RTN4IP1: variants seen among roughly 807,000 people sequenced by gnomAD.
The protein encoded by RTN4IP1 is reticulon 4 interacting protein 1.
RTN4IP1 carries 32 observed loss-of-function variants against 46.6 expected under a neutral mutation model. The observed-to-expected ratio is 0.69, with a 90% CI of 0.52 to 0.92. The LOEUF (loss-of-function observed/expected upper bound fraction) is 0.92, where lower values mean the gene tolerates loss of function less well. Ranked by LOEUF, RTN4IP1 falls within the 40% of genes least tolerant of loss-of-function variation. RTN4IP1 has a pLI of 0.00. For missense variants in RTN4IP1, 424 were observed against 485.8 expected (o/e 0.87, Z 1.20); for synonymous variants, 167 against 161.8 (o/e 1.03, Z -0.24).
At chr6:106,573,607 T>G (rs950315181) in intron 8 of RTN4IP1, among the ~76,000 whole-genome samples, 1 of 152,234 alleles carries the variant, frequency 6.6e-6, no homozygotes, top group Non-Finnish European at 1.5e-5. Flanking sequence ...AACCATTTTC[T>G]GGGGTAAATA....
intron 4 of RTN4IP1, among the ~76,000 whole-genome samples, chr6:106,609,325 C>T (rs924523635): frequency 6.6e-6 from 1 of 152,114 alleles, no homozygotes; most frequent in African/African-American, 2.4e-5. Flanking sequence ...GAGGCTGAGG[C>T]GGGAGGATTG....
chr6:106,610,220 C>T lies in RTN4IP1; in HGVS notation c.621-7298G>A, dbSNP rs77094684. 9.2e-5 allele frequency among the ~76,000 whole-genome samples: 14 copies of T among 152,170 alleles called. No homozygotes were observed. The South Asian group carries it at 2.7e-3, about 29-fold the overall frequency. On this transcript the variant is annotated intron_variant, in intron 4 of 8. Transcript: ENST00000369063. ...GGGACTACAGGCGCCCACCACCACACCTGGCTAATTTTTTTGTATATTTAG... is the reference window on the plus strand; with the variant it reads ...GGGACTACAGGCGCCCACCACCACATCTGGCTAATTTTTTTGTATATTTAG...
chr6:106,592,854 C>T (rs955459326), intron 5 of RTN4IP1, among the ~76,000 whole-genome samples: 1 of 151,642 alleles, frequency 6.6e-6, no homozygotes, highest in Admixed American at 6.6e-5. Flanking sequence ...GCTTGAACCC[C>T]GGAGGCAGAG....
chr6:106,589,272 A>G (rs529009329), intron 6 of RTN4IP1, among the ~76,000 whole-genome samples: 1 of 18,876 alleles, frequency 5.3e-5, no homozygotes, highest in African/African-American at 1.0e-4. Context: ...GAAGGAGAAG[A>G]AGAAGGAGAA....
chr6:106,614,600 C>T (rs188666499), intron 4 of RTN4IP1, among the ~76,000 whole-genome samples: 169 of 152,140 alleles, frequency 1.1e-3, no homozygotes, highest in Middle Eastern at 3.4e-3. Flanking sequence ...CTAAAAATGA[C>T]AAGAAATGGT....
At chr6:106,580,722 G>GAAAAAAAAA (rs559035213) in intron 8 of RTN4IP1, among the ~76,000 whole-genome samples, 1 of 89,674 alleles carries the variant, frequency 1.1e-5, no homozygotes, top group Non-Finnish European at 2.4e-5. Context: ...CTGTCTCAAA[G>GAAAAAAAAA]AAAAAAAAAA....
At chr6:106,619,505 CCTT>C (rs1776430654) in intron 3 of RTN4IP1, among the ~76,000 whole-genome samples, 179 bp from the exon 4 acceptor site, 1 of 152,020 alleles carries the variant, frequency 6.6e-6, no homozygotes, top group South Asian at 2.1e-4. Flanking sequence ...CAAAACCAAC[CCTT>C]CTTCTTCCTA....
intron 8 of RTN4IP1, among the ~76,000 whole-genome samples, chr6:106,581,864 G>A (rs1022204503): frequency 6.6e-6 from 1 of 152,182 alleles, no homozygotes; most frequent in African/African-American, 2.4e-5. Flanking sequence ...CAGATAGCAG[G>A]ACAAGCACAA....
chr6:106,608,843 T>G (rs1418657323), intron 4 of RTN4IP1, among the ~76,000 whole-genome samples: 3 of 152,210 alleles, frequency 2.0e-5, no homozygotes, highest in Admixed American at 6.5e-5. Flanking sequence ...CATGAAATAT[T>G]TCACCCTCTT....
intron 5 of RTN4IP1, among the ~76,000 whole-genome samples, chr6:106,600,433 A>G (rs932724967): frequency 2.0e-5 from 3 of 152,078 alleles, no homozygotes; most frequent in Admixed American, 2.0e-4. Flanking sequence ...ATATATCACC[A>G]TTTTCACAAT....
intron 3 of RTN4IP1, 39 bp from the exon 4 acceptor site, chr6:106,619,365 T>G: frequency 6.2e-7 from 1 of 1,612,328 alleles, no homozygotes; most frequent in Non-Finnish European, 8.5e-7. Flanking sequence ...AGCAATGACT[T>G]GCAAACCTAT....
intron 7 of RTN4IP1, among the ~76,000 whole-genome samples, chr6:106,587,228 G>A (rs1775508946): frequency 6.6e-6 from 1 of 152,212 alleles, no homozygotes; most frequent in Non-Finnish European, 1.5e-5. Context: ...ATATACAAGA[G>A]ACTTTAAGTG....
chr6:106,620,088 T>C (rs1776450765), intron 3 of RTN4IP1, among the ~76,000 whole-genome samples: 1 of 151,982 alleles, frequency 6.6e-6, no homozygotes, highest in African/African-American at 2.4e-5. Context: ...ATATAAAATA[T>C]GTGTTAGTTG....
intron 8 of RTN4IP1, among the ~76,000 whole-genome samples, chr6:106,573,114 G>A: frequency 6.6e-6 from 1 of 152,234 alleles, no homozygotes; most frequent in Non-Finnish European, 1.5e-5. Flanking sequence ...CAATGCTGCT[G>A]GGTCTTTTCA....
chr6:106,600,352 T>C lies in RTN4IP1; in HGVS notation c.669+2522A>G, dbSNP rs1562143211. Among the ~76,000 whole-genome samples the C allele has an allele frequency of 2.0e-5, 3 of 151,836 alleles. No individual in the cohort carries two copies. In the East Asian group the frequency reaches 5.8e-4, roughly 29 times the overall value. On this transcript the variant is annotated intron_variant, in intron 5 of 8. Coordinates refer to ENST00000369063, the MANE Select transcript of RTN4IP1 (RefSeq NM_032730.5). ...ATCTGACCACAACAGGAGCAGTCACTGGGCCCCATCATGTTTCTGGAGGCT... is the reference window on the plus strand; with the variant it reads ...ATCTGACCACAACAGGAGCAGTCACCGGGCCCCATCATGTTTCTGGAGGCT...
intron 4 of RTN4IP1, among the ~76,000 whole-genome samples, chr6:106,614,381 GTT>G (rs1279532762): frequency 6.6e-6 from 1 of 152,160 alleles, no homozygotes; most frequent in Non-Finnish European, 1.5e-5. Flanking sequence ...GGTAAGTGTT[GTT>G]TTGCTCAAGT....
chr6:106,630,372 A>G (rs1400554089), upstream of RTN4IP1, among the ~76,000 whole-genome samples: 1 of 151,244 alleles, frequency 6.6e-6, no homozygotes, highest in African/African-American at 2.4e-5. Flanking sequence ...CTGAATTCTT[A>G]ATAGACTCTT....
At chr6:106,605,729 A>C (rs905285297) in intron 4 of RTN4IP1, among the ~76,000 whole-genome samples, 2 of 148,524 alleles carry the variant, frequency 1.3e-5, no homozygotes, top group African/African-American at 4.9e-5. Flanking sequence ...AGGCAGGAGA[A>C]TAGCATGAAC....
At chr6:106,589,481 C>T (rs1775594510) in intron 6 of RTN4IP1, among the ~76,000 whole-genome samples, 1 of 151,898 alleles carries the variant, frequency 6.6e-6, no homozygotes, top group African/African-American at 2.4e-5. Flanking sequence ...GGATACTTAA[C>T]TTAAAGAAAA....
Sources: gnomAD v4.1 joint callset for allele counts (sites outside exome capture counted in the v4.1 genomes callset) on GRCh38, gnomAD v4.1.1 for gene constraint, MANE v1.5 for transcripts, NCBI Gene and HGNC (gene_info 2026-07-23, HGNC 2026-07-21) for gene names.